The following FRS2 variants were observed in gnomAD, a reference collection of about 807,000 sequenced individuals.
FRS2 encodes fibroblast growth factor receptor substrate 2.
Under a neutral mutation model 43.9 loss-of-function variants are expected in FRS2, and 8 were observed. The ratio of observed to expected loss-of-function variants is 0.18; its 90% confidence interval spans 0.11 to 0.33. The LOEUF (loss-of-function observed/expected upper bound fraction) is 0.33, where lower values mean the gene tolerates loss of function less well. Ranked by LOEUF, FRS2 falls within the 10% of genes least tolerant of loss-of-function variation. FRS2 has a pLI of 1.00. For synonymous variants in FRS2, 219 were observed against 220.3 expected (o/e 0.99, Z 0.05); for missense variants, 534 against 627.6 (o/e 0.85, Z 1.59).
At chr12:69,506,538 CAG>C (rs370145015) in intron 1 of FRS2, among the ~76,000 whole-genome samples, 1 of 151,626 alleles carries the variant, frequency 6.6e-6, no homozygotes, top group Non-Finnish European at 1.5e-5. Context: ...TAGCAAAATC[CAG>C]AGAGAGAGAG....
intron 3 of FRS2, among the ~76,000 whole-genome samples, chr12:69,545,559 C>T (rs1041711864): frequency 6.6e-6 from 1 of 151,956 alleles, no homozygotes; most frequent in Non-Finnish European, 1.5e-5. Context: ...AGTTCAAGAC[C>T]AGCCTGGCCA....
At chr12:69,545,765 AAAAAAAAAAAAAAC>A (rs1186945841) in intron 3 of FRS2, among the ~76,000 whole-genome samples, 9 of 150,784 alleles carry the variant, frequency 6.0e-5, no homozygotes, top group Non-Finnish European at 1.3e-4. Flanking sequence ...CAAAAAAAAA[AAAAAAAAAAAAAAC>A]AAAAACAAAA....
intron 1 of FRS2, among the ~76,000 whole-genome samples, chr12:69,474,827 C>T (rs932268976): frequency 6.6e-6 from 1 of 152,248 alleles, no homozygotes; most frequent in Admixed American, 6.5e-5. Flanking sequence ...ATTTTGGTTT[C>T]AAAATCAAGA....
At chr12:69,536,101 C>CCTTTTTTTTTTT (rs1877251782) in intron 3 of FRS2, among the ~76,000 whole-genome samples, 6 of 37,176 alleles carry the variant, frequency 1.6e-4, no homozygotes, top group African/African-American at 5.4e-4. Flanking sequence ...TATTTTCATT[C>CCTTTTTTTTTTT]TTTTTTTTTT....
chr12:69,508,335 C>T (rs1280924357), intron 1 of FRS2, among the ~76,000 whole-genome samples: 4 of 152,036 alleles, frequency 2.6e-5, no homozygotes, highest in Admixed American at 2.0e-4. Flanking sequence ...AGAGAAAATA[C>T]GGCATTTAAG....
At chr12:69,551,934 G>A (rs1379293018) in intron 3 of FRS2, among the ~76,000 whole-genome samples, 1 of 151,824 alleles carries the variant, frequency 6.6e-6, no homozygotes, top group Non-Finnish European at 1.5e-5. Flanking sequence ...ATTTGGGTGT[G>A]TCTTACAATT....
At chr12:69,526,722 A>G (rs762737600) in intron 1 of FRS2, among the ~76,000 whole-genome samples, 2 of 151,880 alleles carry the variant, frequency 1.3e-5, no homozygotes, top group Admixed American at 6.5e-5. Context: ...AGAAAAGTGT[A>G]GAAACTTTTT....
At chr12:69,569,495 A>G (rs1300099402) in intron 5 of FRS2, among the ~76,000 whole-genome samples, 2 of 152,122 alleles carry the variant, frequency 1.3e-5, no homozygotes, top group African/African-American at 4.8e-5. Flanking sequence ...TTCTCTCATC[A>G]TTCACTAACC....
intron 1 of FRS2, among the ~76,000 whole-genome samples, chr12:69,526,195 C>T (rs1876210573): frequency 6.6e-6 from 1 of 152,138 alleles, no homozygotes; most frequent in Non-Finnish European, 1.5e-5. Flanking sequence ...GTCTGTTTCT[C>T]TGTGTAAATC....
intron 4 of FRS2, among the ~76,000 whole-genome samples, chr12:69,568,048 A>G (rs1404843563): frequency 2.0e-5 from 3 of 152,056 alleles, no homozygotes; most frequent in African/African-American, 4.8e-5. Flanking sequence ...GTCATATTCT[A>G]TCTGATTATT....
chr12:69,520,598 G>A (rs527510226), intron 1 of FRS2, among the ~76,000 whole-genome samples: 4 of 152,160 alleles, frequency 2.6e-5, no homozygotes, highest in Middle Eastern at 3.4e-3. Flanking sequence ...TTTGTAGATG[G>A]TGTTGGAAAG....
intron 3 of FRS2, among the ~76,000 whole-genome samples, chr12:69,540,246 C>T (rs553820783): frequency 1.7e-4 from 25 of 150,702 alleles, no homozygotes; most frequent in African/African-American, 5.6e-4. Flanking sequence ...AAGCGAGACT[C>T]CATCTCAAAA....
chr12:69,542,051 T>A lies in FRS2; in HGVS notation c.-122+9995T>A, dbSNP rs1041186129. Among the ~76,000 whole-genome samples, 17 of 152,180 alleles carry A rather than the reference T, an allele frequency of 1.1e-4. 1 individual carries two copies. The highest frequency in any genetic ancestry group is 5.9e-4 in the Admixed American group (9 of 15,280). On this transcript the variant is annotated intron_variant, in intron 3 of 8. Transcript: ENST00000549921. ...AAAGATGATTTTATTATCTTTTTAT[T>A]ATTAAAGCAGATATTATCAGGGCCA...
At chr12:69,533,663 G>T (rs1249159379) in intron 3 of FRS2, among the ~76,000 whole-genome samples, 2 of 152,054 alleles carry the variant, frequency 1.3e-5, no homozygotes, top group African/African-American at 4.8e-5. Flanking sequence ...TTCTAGTTTT[G>T]AGCATGCCTG....
At chr12:69,476,156 T>C (rs1870747967) in intron 1 of FRS2, among the ~76,000 whole-genome samples, 1 of 152,200 alleles carries the variant, frequency 6.6e-6, no homozygotes, top group African/African-American at 2.4e-5. Flanking sequence ...TAAAGAAGGT[T>C]TGGGGTACAT....
intron 1 of FRS2, among the ~76,000 whole-genome samples, chr12:69,476,078 C>T (rs1054856952): frequency 4.6e-5 from 7 of 151,988 alleles, no homozygotes; most frequent in East Asian, 1.9e-4. Context: ...CTGTGAAATC[C>T]GAAAATCTTG....
At chr12:69,543,769 A>T (rs1196136566) in intron 3 of FRS2, among the ~76,000 whole-genome samples, 1 of 152,220 alleles carries the variant, frequency 6.6e-6, no homozygotes, top group Non-Finnish European at 1.5e-5. Flanking sequence ...AGGACCTGAG[A>T]TAGGAACATA....
At chr12:69,570,197 G>A (rs543460240) in intron 5 of FRS2, 134 bp from the exon 6 acceptor site, 6 of 663,554 alleles carry the variant, frequency 9.0e-6, no homozygotes, top group Non-Finnish European at 1.6e-5. Flanking sequence ...GGTGTTACAC[G>A]GCTACGTAGT....
chr12:69,486,519 A>T (rs1488408609), intron 1 of FRS2, among the ~76,000 whole-genome samples: 1 of 152,138 alleles, frequency 6.6e-6, no homozygotes, highest in African/African-American at 2.4e-5. Context: ...CTAAATATTG[A>T]AATTAGGCCA....
Sources: allele counts gnomAD v4.1 joint callset (sites outside exome capture counted in the v4.1 genomes callset), GRCh38; gene constraint gnomAD v4.1.1; transcripts MANE v1.5; gene names NCBI Gene and HGNC (gene_info 2026-07-23, HGNC 2026-07-21).